The following ACYP2 variants were observed in gnomAD, a reference collection of about 807,000 sequenced individuals.
ACYP2 encodes the protein acylphosphatase-2.
A neutral mutation model predicts 11.2 loss-of-function variants in ACYP2; 12 were observed. The ratio of observed to expected loss-of-function variants is 1.08; its 90% CI spans 0.69 to 1.74. The LOEUF (loss-of-function observed/expected upper bound fraction) is 1.74. Ranked by LOEUF, ACYP2 falls within the 40% of genes most tolerant of loss-of-function variation. The probability of loss-of-function intolerance (pLI) is 0.00; values close to 1 mark genes in which losing one functional copy is unlikely to be tolerated. For missense variants in ACYP2, 134 were observed against 101.9 expected, an observed-to-expected ratio of 1.31 and a Z score of -1.35; for synonymous variants, 43 against 32.2, an observed-to-expected ratio of 1.33 and a Z score of -1.13.
chr2:54,198,684 C>T (rs1425594375), intron 6 of ACYP2, among the ~76,000 whole-genome samples: 1 of 151,364 alleles, frequency 6.6e-6, no homozygotes, highest in African/African-American at 2.4e-5. Context: ...GTTTTAAATG[C>T]AAATATAAGA....
Position 53,995,157 on chromosome 2 carries a change from C to T in ACYP2, c.62+21347C>T, listed in dbSNP as rs373083470. ...GCTAAACTCTAGCTGCAGCTCTTCT[C>T]TCAGAGAACTGCTCTGTCCTGCCCA... is the stretch of plus-strand genomic sequence containing the variant. On this transcript the variant is annotated intron_variant, in intron 2 of 6. Coordinates refer to ENST00000607452, the MANE Select transcript of ACYP2 (RefSeq NM_001320586.2). Among the ~76,000 whole-genome samples the T allele has an allele frequency of 2.0e-5, 3 of 152,034 alleles. 1 individual carries two copies.
chr2:54,034,633 C>T (rs1441042487), intron 2 of ACYP2, among the ~76,000 whole-genome samples: 1 of 152,114 alleles, frequency 6.6e-6, no homozygotes, highest in Non-Finnish European at 1.5e-5. Context: ...AACATATTCT[C>T]AATGTTAAGT....
intron 6 of ACYP2, among the ~76,000 whole-genome samples, chr2:54,181,932 C>A (rs1683751016): frequency 6.6e-6 from 1 of 151,694 alleles, no homozygotes; most frequent in Admixed American, 6.6e-5. Flanking sequence ...GGCCATAAAT[C>A]TTAAAATCTG....
rs1558499737 is a variant in ACYP2 at position 54,058,174 on chromosome 2, C to T, written c.277+814C>T. Among the ~76,000 whole-genome samples, 5 of 152,004 alleles carry T rather than the reference C, an allele frequency of 3.3e-5. 1 individual carries two copies. In the South Asian group the frequency reaches 1.0e-3, roughly 32 times the overall value. The stretch of plus-strand genomic sequence containing the variant: ...ATTAAATGGAGTGTTGGTGTTAACG[C>T]ATGATACAAGCTAAAATGTGAATAA... On this transcript the variant is annotated intron_variant, in intron 4 of 6. Transcript: ENST00000607452.
chr2:54,240,118 T>C (rs1399673343), intron 6 of ACYP2, among the ~76,000 whole-genome samples: 1 of 152,154 alleles, frequency 6.6e-6, no homozygotes, highest in African/African-American at 2.4e-5. Flanking sequence ...ACCAAGTAGA[T>C]GTTTGAGAAA....
intron 6 of ACYP2, among the ~76,000 whole-genome samples, chr2:54,225,661 T>A (rs563841996): frequency 6.6e-6 from 1 of 152,344 alleles, no homozygotes; most frequent in East Asian, 1.9e-4. Context: ...TTGCTAGTGA[T>A]CTTTATTTTG....
chr2:54,252,622 C>T (rs1687278077), intron 6 of ACYP2, among the ~76,000 whole-genome samples: 1 of 152,038 alleles, frequency 6.6e-6, no homozygotes, highest in Admixed American at 6.5e-5. Context: ...AGGAAAGATC[C>T]CATTGGCATA....
intron 6 of ACYP2, among the ~76,000 whole-genome samples, chr2:54,239,152 G>A (rs139456007): frequency 2.0e-5 from 3 of 151,868 alleles, no homozygotes; most frequent in Non-Finnish European, 4.4e-5. Context: ...ATGAGAGAAA[G>A]TCTTGACTCT....
At chr2:54,090,457 C>T (rs1558520827) in intron 4 of ACYP2, among the ~76,000 whole-genome samples, 1 of 152,140 alleles carries the variant, frequency 6.6e-6, no homozygotes. Flanking sequence ...TGTGAACCCC[C>T]GTTTCTACTA....
intron 6 of ACYP2, among the ~76,000 whole-genome samples, chr2:54,244,638 A>C (rs1281468320): frequency 6.6e-6 from 1 of 152,164 alleles, no homozygotes; most frequent in East Asian, 1.9e-4. Context: ...ATACACCTTC[A>C]ACTATTGTAG....
At chr2:54,162,863 C>T (rs1257703230) in intron 6 of ACYP2, among the ~76,000 whole-genome samples, 1 of 152,134 alleles carries the variant, frequency 6.6e-6, no homozygotes, top group Non-Finnish European at 1.5e-5. Flanking sequence ...TGATGCACAC[C>T]TGTGGTCCCA....
chr2:54,075,642 G>A (rs1330739553), intron 4 of ACYP2, among the ~76,000 whole-genome samples: 3 of 151,830 alleles, frequency 2.0e-5, no homozygotes, highest in Non-Finnish European at 2.9e-5. Flanking sequence ...GTGAAACCCC[G>A]TCCCTACTAA....
intron 4 of ACYP2, among the ~76,000 whole-genome samples, chr2:54,128,911 G>A (rs1680721785): frequency 6.6e-6 from 1 of 151,976 alleles, no homozygotes; most frequent in African/African-American, 2.4e-5. Flanking sequence ...TACCCACTTG[G>A]TCTACTCAGA....
intron 6 of ACYP2, among the ~76,000 whole-genome samples, chr2:54,228,641 C>T (rs558567241): frequency 6.6e-6 from 1 of 151,516 alleles, no homozygotes; most frequent in South Asian, 2.1e-4. Context: ...AGCCCTGAGG[C>T]CAAGTTCTAA....
At chr2:54,129,640 C>G (rs1680773892) in intron 4 of ACYP2, among the ~76,000 whole-genome samples, 5 of 149,624 alleles carry the variant, frequency 3.3e-5, no homozygotes, top group Admixed American at 3.3e-4. Flanking sequence ...TATATGTGAG[C>G]ATTAAGCATG....
At chr2:54,151,516 A>G (rs1265976410) in intron 6 of ACYP2, among the ~76,000 whole-genome samples, 2 of 152,204 alleles carry the variant, frequency 1.3e-5, no homozygotes, top group Non-Finnish European at 2.9e-5. Flanking sequence ...TGGATGTTCT[A>G]TTGAAACATA....
chr2:54,012,630 C>G (rs1055661413), intron 2 of ACYP2, among the ~76,000 whole-genome samples: 5 of 152,268 alleles, frequency 3.3e-5, no homozygotes, highest in African/African-American at 1.2e-4. Context: ...TCACCAGAAT[C>G]TGGTGACTCC....
intron 6 of ACYP2, among the ~76,000 whole-genome samples, chr2:54,147,536 T>C (rs1572855084): frequency 1.3e-5 from 2 of 152,142 alleles, no homozygotes; most frequent in South Asian, 4.1e-4. Context: ...TTCTTTCTTT[T>C]TGTTTTTAGG....
Position 54,230,513 on chromosome 2 carries a change from C to T in ACYP2, c.405-74175C>T, listed in dbSNP as rs141310134. On this transcript the variant is annotated intron_variant, in intron 6 of 6. Transcript: ENST00000607452. ...CTGGGCGCCACCACACCCGGCTATG[C>T]GCCTGGCCACACCCGGCTAATTTTG... 4.9e-4 allele frequency among the ~76,000 whole-genome samples: 75 copies of T among 152,146 alleles called. No individual in the cohort carries two copies. In the East Asian group the frequency reaches 0.014, roughly 28 times the overall value.
Sources: gnomAD v4.1 joint callset for allele counts (sites outside exome capture counted in the v4.1 genomes callset) on GRCh38, gnomAD v4.1.1 for gene constraint, MANE v1.5 for transcripts, NCBI Gene and HGNC (gene_info 2026-07-23, HGNC 2026-07-21) for gene names.